Variants in KIAA1328 observed in about 807,000 individuals in gnomAD.
The protein encoded by KIAA1328 is KIAA1328.
In KIAA1328, 52 loss-of-function variants were observed where a neutral mutation model predicts 68.1. That is an observed-to-expected ratio of 0.76 (90% CI 0.61 to 0.96). The LOEUF (loss-of-function observed/expected upper bound fraction) is 0.96. KIAA1328 is among the 40% of genes least tolerant of loss of function. The probability of loss-of-function intolerance (pLI) is 0.00; values close to 1 mark genes in which losing one functional copy is unlikely to be tolerated. For synonymous variants in KIAA1328, 232 were observed against 239.4 expected, an observed-to-expected ratio of 0.97 and a Z score of 0.28; for missense variants, 641 against 677.6, an observed-to-expected ratio of 0.95 and a Z score of 0.60.
intron 6 of KIAA1328, among the ~76,000 whole-genome samples, chr18:36,986,415 T>C (rs574799051): frequency 6.7e-6 from 1 of 148,462 alleles, no homozygotes; most frequent in South Asian, 2.2e-4. Flanking sequence ...ATTCAGGACA[T>C]AGGCGTGGGC....
At chr18:37,060,419 A>C (rs1258619262) in intron 6 of KIAA1328, among the ~76,000 whole-genome samples, 1 of 152,212 alleles carries the variant, frequency 6.6e-6, no homozygotes, top group Non-Finnish European at 1.5e-5. Flanking sequence ...CATATAAGAG[A>C]AATGCAAAAT....
chr18:36,964,771 C>A (rs2051844768), intron 6 of KIAA1328, among the ~76,000 whole-genome samples: 1 of 152,024 alleles, frequency 6.6e-6, no homozygotes, highest in Admixed American at 6.6e-5. Context: ...ATTATCTTAT[C>A]TTAATAAATA....
chr18:37,128,962 A>G (rs2058457792), intron 7 of KIAA1328, among the ~76,000 whole-genome samples: 1 of 152,230 alleles, frequency 6.6e-6, no homozygotes, highest in Non-Finnish European at 1.5e-5. Context: ...AAGCAAAACT[A>G]TGCAGACAGA....
chr18:37,023,449 A>G lies in KIAA1328; in HGVS notation c.577-43441A>G, dbSNP rs761791529. On this transcript the variant is annotated intron_variant, in intron 6 of 9. Coordinates refer to ENST00000280020, the MANE Select transcript of KIAA1328 (RefSeq NM_020776.3). ...CCCAGGCTCCTTTTCTGTATTGCAA[A>G]TGTAGAAGATCTTCGTATTTTTTTC... Among the ~76,000 whole-genome samples the G allele has an allele frequency of 3.3e-5, 5 of 152,216 alleles. No individual in the cohort carries two copies. In the East Asian group the frequency reaches 9.7e-4, roughly 29 times the overall value.
At chr18:37,043,050 G>T (rs1171328320) in intron 6 of KIAA1328, among the ~76,000 whole-genome samples, 1 of 151,586 alleles carries the variant, frequency 6.6e-6, no homozygotes, top group Non-Finnish European at 1.5e-5. Flanking sequence ...TTAATTTTTT[G>T]TACTTTTCAA....
Position 37,223,439 on chromosome 18 carries a change from A to G in KIAA1328, c.*1212A>G, listed in dbSNP as rs2060599610. The stretch of plus-strand genomic sequence containing the variant: ...TGCAGTGGTCCCTAGTAGCCTCTCA[A>G]GCTAATGGGGATGATGATCCTGGTT... On this transcript the variant is annotated 3_prime_UTR_variant, in exon 10 of 10. Coordinates refer to ENST00000280020, the MANE Select transcript of KIAA1328 (RefSeq NM_020776.3). 2 of 985,310 alleles carry G rather than the reference A, an allele frequency of 2.0e-6. No homozygotes were observed. The highest frequency in any genetic ancestry group is 2.4e-6 in the Non-Finnish European group (2 of 829,966). 61.0% of individuals were successfully genotyped at this position (985,310 alleles called of 1,614,324 possible).
At chr18:37,182,615 G>A (rs1251500775) in intron 9 of KIAA1328, among the ~76,000 whole-genome samples, 2 of 152,128 alleles carry the variant, frequency 1.3e-5, no homozygotes, top group Non-Finnish European at 1.5e-5. Context: ...TTTGGACCTT[G>A]CTCTTGTGAT....
intron 5 of KIAA1328, among the ~76,000 whole-genome samples, chr18:36,910,889 G>A (rs1402880627): frequency 6.6e-6 from 1 of 151,920 alleles, no homozygotes; most frequent in African/African-American, 2.4e-5. Flanking sequence ...TTCTGTCATC[G>A]TCATGAGAAA....
intron 7 of KIAA1328, among the ~76,000 whole-genome samples, chr18:37,096,754 A>G (rs935342169): frequency 2.2e-4 from 34 of 152,130 alleles, no homozygotes; most frequent in Non-Finnish European, 4.1e-4. Flanking sequence ...TGACTTTTTA[A>G]TGATTGCCAT....
At position 37,160,349 on chromosome 18, in the gene KIAA1328, G is replaced by C. The variant is rs1381240007; in HGVS notation, c.1382G>C (p.Cys461Ser). The C allele has an allele frequency of 6.2e-7, 1 of 1,613,522 alleles. No homozygotes were observed. Among genetic ancestry groups the C allele is most frequent in the Admixed American group, 1.7e-5 (1 of 59,974 alleles). Residue 461 changes from cysteine (C) to serine (S), a missense_variant, in exon 8 of 10, where the codon TGT (cysteine) becomes TCT (serine). Coordinates refer to ENST00000280020, the MANE Select transcript of KIAA1328 (RefSeq NM_020776.3). ...SHMKDDAQWS[C>S]QKKDTCRPQR... ...ATGAAAGATGATGCCCAGTGGTCAT[G>C]TCAAAAGAAAGATACATGTAGACCC...
At chr18:37,066,037 C>A (rs1158958032) in intron 6 of KIAA1328, among the ~76,000 whole-genome samples, 1 of 152,168 alleles carries the variant, frequency 6.6e-6, no homozygotes, top group Non-Finnish European at 1.5e-5. Context: ...CTGCTTCCGA[C>A]AGAAAGATTT....
rs191015647 is a variant in KIAA1328, at chr18:37,033,083, C to T, written c.577-33807C>T. Among the ~76,000 whole-genome samples the T allele has an allele frequency of 3.9e-5, 6 of 152,150 alleles. No individual in the cohort carries two copies. In the East Asian group the frequency reaches 5.8e-4, roughly 15 times the overall value. Reference sequence around the variant, plus strand: ...ATAATGATGTGCTTGATGTTGCATGCGTTTATAATGTCAAATTTTTACTTT... The same window carrying T: ...ATAATGATGTGCTTGATGTTGCATGTGTTTATAATGTCAAATTTTTACTTT... On this transcript the variant is annotated intron_variant, in intron 6 of 9. Coordinates refer to ENST00000280020, the MANE Select transcript of KIAA1328 (RefSeq NM_020776.3).
chr18:36,965,211 C>T (rs1358889653), intron 6 of KIAA1328, among the ~76,000 whole-genome samples: 2 of 152,016 alleles, frequency 1.3e-5, no homozygotes, highest in African/African-American at 4.8e-5. Context: ...TAGCCATGGG[C>T]AATGGATATT....
chr18:36,884,954 A>G (rs2048449223), intron 4 of KIAA1328, among the ~76,000 whole-genome samples: 1 of 151,268 alleles, frequency 6.6e-6, no homozygotes, highest in Admixed American at 6.6e-5. Flanking sequence ...TTCTTGGTCC[A>G]TGTTTTTAAC....
At chr18:36,943,442 A>C (rs1394907423) in intron 5 of KIAA1328, among the ~76,000 whole-genome samples, 3 of 152,200 alleles carry the variant, frequency 2.0e-5, no homozygotes, top group Non-Finnish European at 4.4e-5. Flanking sequence ...TATCTGAACT[A>C]GGGGCCAGAT....
intron 5 of KIAA1328, among the ~76,000 whole-genome samples, chr18:36,931,914 C>A (rs756896265): frequency 1.3e-5 from 2 of 151,706 alleles, no homozygotes; most frequent in African/African-American, 4.8e-5. Flanking sequence ...AATGATTTTG[C>A]GCATAGAATT....
At chr18:37,095,097 A>G (rs1236988023) in intron 7 of KIAA1328, among the ~76,000 whole-genome samples, 1 of 152,332 alleles carries the variant, frequency 6.6e-6, no homozygotes, top group East Asian at 1.9e-4. Context: ...GATCATTATT[A>G]GATCCAAAGA....
At chr18:37,196,168 G>C (rs568653377) in intron 9 of KIAA1328, among the ~76,000 whole-genome samples, 1 of 152,036 alleles carries the variant, frequency 6.6e-6, no homozygotes, top group East Asian at 1.9e-4. Context: ...AAATTTGTTT[G>C]TCAATTCTAA....
chr18:36,846,564 G>A (rs1356237909), intron 4 of KIAA1328, among the ~76,000 whole-genome samples: 11 of 151,400 alleles, frequency 7.3e-5, no homozygotes, highest in African/African-American at 2.4e-4. Context: ...TCCTATTCAT[G>A]ATATACAGCA....
Sources: gnomAD v4.1 joint callset for allele counts (sites outside exome capture counted in the v4.1 genomes callset) on GRCh38, gnomAD v4.1.1 for gene constraint, MANE v1.5 for transcripts, NCBI Gene and HGNC (gene_info 2026-07-23, HGNC 2026-07-21) for gene names.